Variants in RGSL1 observed in about 807,000 individuals in gnomAD.
The protein encoded by RGSL1 is regulator of G protein signaling like 1.
In RGSL1, 97 loss-of-function variants were observed where a neutral mutation model predicts 124.7. The ratio of observed to expected loss-of-function variants is 0.78; its 90% CI spans 0.66 to 0.92. RGSL1 has a LOEUF of 0.92. Ranked by LOEUF, RGSL1 falls within the 40% of genes least tolerant of loss-of-function variation. RGSL1 has a pLI of 0.00. For missense variants in RGSL1, 1,233 were observed against 1,288.4 expected, an observed-to-expected ratio of 0.96 and a Z score of 0.66; for synonymous variants, 424 against 438.1, an observed-to-expected ratio of 0.97 and a Z score of 0.40.
chr1:182,547,768 G>A lies in RGSL1; in HGVS notation c.2670-549G>A, dbSNP rs183316840. 3.7e-3 allele frequency among the ~76,000 whole-genome samples: 565 copies of A among 152,290 alleles called. 7 individuals are homozygous for A. The highest frequency in any genetic ancestry group is 0.013 in the African/African-American group (534 of 41,546). On this transcript the variant is annotated intron_variant, in intron 15 of 21. Transcript: ENST00000294854. ...CCCAGCTACTCAGGAGGCTGAGGCA[G>A]GAGAATGGCATGAACCCGGGAGGCC...
intron 18 of RGSL1, 120 bp from the exon 19 acceptor site, chr1:182,553,335 T>C (rs1050781282): frequency 5.6e-6 from 4 of 717,434 alleles, no homozygotes; most frequent in African/African-American, 1.8e-5. Context: ...GATAATGTTT[T>C]ATCATTAACA....
At chr1:182,515,522 A>C (rs1657801356) in intron 9 of RGSL1, among the ~76,000 whole-genome samples, 1 of 143,332 alleles carries the variant, frequency 7.0e-6, no homozygotes, top group Admixed American at 7.0e-5. Flanking sequence ...GAAGGAAAGA[A>C]AAGAAAACAG....
chr1:182,523,111 T>G (rs1480289859), intron 10 of RGSL1, among the ~76,000 whole-genome samples: 1 of 151,900 alleles, frequency 6.6e-6, no homozygotes, highest in African/African-American at 2.4e-5. Context: ...TCACAGCTCA[T>G]TGCAGCCTCG....
upstream of RGSL1, among the ~76,000 whole-genome samples, chr1:182,449,775 T>A (rs73057345): frequency 5.2e-4 from 79 of 152,084 alleles, no homozygotes; most frequent in African/African-American, 1.8e-3. Context: ...TATCCAGGAG[T>A]TACTGCTTAT....
In RGSL1 at chr1:182,489,153, G is replaced by A; in HGVS notation, c.1668G>A (p.Lys556=). The change falls in exon 8 of 22, where the codon AAG becomes AAA. Residue 556 remains lysine, a synonymous_variant. Transcript: ENST00000294854. ...QWRKIATEDL[K]QGGSLQVELT... ...GAAAGATAGCTACTGAGGACCTGAA[G>A]CAAGGAGGCTCTCTCCAGGTAGAGC... The A allele has an allele frequency of 6.4e-7, 1 of 1,551,740 alleles. No individual in the cohort carries two copies. The highest frequency in any genetic ancestry group is 8.7e-7 in the Non-Finnish European group (1 of 1,147,002).
intron 9 of RGSL1, among the ~76,000 whole-genome samples, chr1:182,503,880 C>T (rs1485107007): frequency 6.6e-6 from 1 of 151,826 alleles, no homozygotes; most frequent in Non-Finnish European, 1.5e-5. Flanking sequence ...TAAATATATA[C>T]ACCTAAGTAC....
chr1:182,472,090 T>G (rs990075353), intron 4 of RGSL1, among the ~76,000 whole-genome samples: 2 of 152,168 alleles, frequency 1.3e-5, no homozygotes, highest in Non-Finnish European at 2.9e-5. Flanking sequence ...TCATTTTTTT[T>G]GGACAAAATT....
Position 182,472,477 on chromosome 1 carries a change from A to C in RGSL1, c.383A>C (p.Tyr128Ser). 6.4e-7 allele frequency: 1 copy of C among 1,551,126 alleles called. No individual in the cohort carries two copies. The highest frequency in any genetic ancestry group is 1.4e-5 in the African/African-American group (1 of 73,130). Residue 128 changes from tyrosine (Y) to serine (S), a missense_variant, in exon 5 of 22, where the codon TAC (tyrosine) becomes TCC (serine). Tyr to Ser is a moderately radical substitution (Grantham distance 144). Coordinates refer to ENST00000294854, the MANE Select transcript of RGSL1 (RefSeq NM_001137669.2). The part of the protein sequence containing the change: ...DEMDLEVRDY[Y>S]LSLLLMLRAT... ...ATGGACCTGGAAGTGAGAGACTACTACCTGTCCCTCCTCCTCATGCTGAGG... is the reference window on the plus strand; with the variant it reads ...ATGGACCTGGAAGTGAGAGACTACTCCCTGTCCCTCCTCCTCATGCTGAGG...
chr1:182,548,205 C>A, intron 15 of RGSL1, 112 bp from the exon 16 acceptor site: 1 of 1,093,006 alleles, frequency 9.1e-7, no homozygotes, highest in Non-Finnish European at 1.3e-6. Context: ...CACAACCTGG[C>A]CTAGAACTGG....
At chr1:182,497,335 T>A (rs1479590625) in intron 9 of RGSL1, among the ~76,000 whole-genome samples, 1 of 148,048 alleles carries the variant, frequency 6.8e-6, no homozygotes, top group East Asian at 2.0e-4. Flanking sequence ...ATTATATATA[T>A]ATATTTTTAT....
At chr1:182,501,041 G>C (rs745318257) in intron 9 of RGSL1, among the ~76,000 whole-genome samples, 1 of 152,068 alleles carries the variant, frequency 6.6e-6, no homozygotes, top group Admixed American at 6.6e-5. Flanking sequence ...AATAAAAACA[G>C]TGAAAGAAGG....
At chr1:182,476,803 T>C (rs1023076434) in intron 6 of RGSL1, among the ~76,000 whole-genome samples, 1 of 148,818 alleles carries the variant, frequency 6.7e-6, no homozygotes, top group Non-Finnish European at 1.5e-5. Context: ...CCCCACCCCA[T>C]GCTCATCATC....
intron 10 of RGSL1, among the ~76,000 whole-genome samples, chr1:182,524,087 GTA>G (rs1244145446): frequency 6.6e-6 from 1 of 152,182 alleles, no homozygotes; most frequent in Non-Finnish European, 1.5e-5. Context: ...TGATGTTGAA[GTA>G]TAGAGTGCAT....
Position 182,522,028 on chromosome 1 carries a change from A to T in RGSL1, c.1850A>T (p.Glu617Val), listed in dbSNP as rs1230977931. 5 of 1,545,708 alleles carry T rather than the reference A, an allele frequency of 3.2e-6. No homozygotes were observed. Among genetic ancestry groups the T allele is most frequent in the Non-Finnish European group, 4.4e-6 (5 of 1,145,188 alleles). The change falls in exon 10 of 22, where the codon GAA becomes GTA. Residue 617 changes from glutamate (E) to valine (V), a missense_variant. Glu to Val is a moderately radical substitution (Grantham distance 121, BLOSUM62 -2). Transcript: ENST00000294854. ...GATTTTAAAATGGAAATTATCAAGG[A>T]AACAAAGACAGTTTCACGCTCAAAT... ...KIDFKMEIIKETKTVSRSNRK... is the reference protein window; with the variant it reads ...KIDFKMEIIKVTKTVSRSNRK...
At chr1:182,448,764 T>C (rs1254290730), upstream of RGSL1, among the ~76,000 whole-genome samples, 2 of 152,220 alleles carry the variant, frequency 1.3e-5, no homozygotes, top group African/African-American at 4.8e-5. Flanking sequence ...CTAACCATTA[T>C]GCATTTCAAG....
At chr1:182,517,172 C>T (rs1471054000) in intron 9 of RGSL1, among the ~76,000 whole-genome samples, 1 of 151,938 alleles carries the variant, frequency 6.6e-6, no homozygotes, top group African/African-American at 2.4e-5. Flanking sequence ...TCTTTCAGCA[C>T]TTTGAAAATG....
In RGSL1 at chr1:182,489,112, G is replaced by C. The variant is rs1034107575; in HGVS notation, c.1627G>C (p.Asp543His). 1.3e-6 allele frequency: 2 copies of C among 1,551,550 alleles called. No individual in the cohort carries two copies. The highest frequency in any genetic ancestry group is 4.9e-5 in the East Asian group (2 of 40,932). The change falls in exon 8 of 22, where the codon GAC becomes CAC. Residue 543 changes from aspartate (D) to histidine (H), a missense_variant. Asp to His is a moderately conservative substitution (Grantham distance 81, BLOSUM62 -1). Coordinates refer to ENST00000294854, the MANE Select transcript of RGSL1 (RefSeq NM_001137669.2). ...SQALADMKEMDYRQWRKIATE... is the reference protein window; with the variant it reads ...SQALADMKEMHYRQWRKIATE... Reference sequence around the variant, plus strand: ...GGCTTTGGCTGACATGAAGGAAATGGACTATAGGCAGTGGCGAAAGATAGC... The same window carrying C: ...GGCTTTGGCTGACATGAAGGAAATGCACTATAGGCAGTGGCGAAAGATAGC...
intron 4 of RGSL1, chr1:182,460,765 T>C (rs1416347502): frequency 2.2e-6 from 1 of 454,956 alleles, no homozygotes; most frequent in Non-Finnish European, 4.4e-6. Context: ...ATGTAAATAT[T>C]TTGAAACTCT....
intron 14 of RGSL1, 55 bp from the exon 15 acceptor site, chr1:182,540,192 G>C: frequency 6.8e-7 from 1 of 1,472,466 alleles, no homozygotes; most frequent in Non-Finnish European, 9.1e-7. Flanking sequence ...CCCAGGTTGA[G>C]GGTAAGAGTG....
Sources: gnomAD v4.1 joint callset for allele counts (sites outside exome capture counted in the v4.1 genomes callset) on GRCh38, gnomAD v4.1.1 for gene constraint, MANE v1.5 for transcripts, NCBI Gene and HGNC (gene_info 2026-07-23, HGNC 2026-07-21) for gene names.